CUBN: variants seen among roughly 807,000 people sequenced by gnomAD.
The protein encoded by CUBN is cubilin.
Under a neutral mutation model 405.3 loss-of-function variants are expected in CUBN, and 282 were observed. The ratio of observed to expected loss-of-function variants is 0.70; its 90% confidence interval spans 0.63 to 0.77. CUBN has a LOEUF of 0.77. Ranked by LOEUF, CUBN falls within the 30% of genes least tolerant of loss-of-function variation. The pLI, the probability that CUBN is intolerant of heterozygous loss-of-function variation, is 0.00. For missense variants in CUBN, 4,514 were observed against 4,475.2 expected, an observed-to-expected ratio of 1.01 and a Z score of -0.25; for synonymous variants, 1,684 against 1,617.0, an observed-to-expected ratio of 1.04 and a Z score of -0.99.
rs550775860 is a variant in CUBN, at chr10:16,863,823, A to G, written c.9454+5813T>C. Among the ~76,000 whole-genome samples, 5 of 151,720 alleles carry G rather than the reference A, an allele frequency of 3.3e-5. 1 individual carries two copies. The East Asian group carries it at 9.7e-4, about 29-fold the overall frequency. ...GTTTCCTTCTTTTTTATCCCCTTCA[A>G]CTTCCTTCTGCCACTCCCACTGTCT... is the stretch of plus-strand genomic sequence containing the variant. On this transcript the variant is annotated intron_variant, in intron 59 of 66. Coordinates refer to ENST00000377833, the MANE Select transcript of CUBN (RefSeq NM_001081.4).
chr10:16,949,982 T>C lies in CUBN; in HGVS notation c.5080+19A>G. On this transcript the variant is annotated intron_variant, in intron 34 of 66. Transcript: ENST00000377833. Reference sequence around the variant, plus strand: ...GCACAGCCAAGACCACAGATGTAGATGAGTGAACGCTGAGGTACCTCGGAG... The same window carrying C: ...GCACAGCCAAGACCACAGATGTAGACGAGTGAACGCTGAGGTACCTCGGAG... 1 of 1,566,646 alleles carries C rather than the reference T, an allele frequency of 6.4e-7. No individual in the cohort carries two copies. Among genetic ancestry groups the C allele is most frequent in the Non-Finnish European group, 8.8e-7 (1 of 1,137,810 alleles).
Position 16,939,166 on chromosome 10 carries a change from T to A in CUBN, c.5549-19A>T. The A allele has an allele frequency of 6.3e-7, 1 of 1,599,932 alleles. No individual in the cohort carries two copies. On this transcript the variant is annotated intron_variant, in intron 37 of 66. Coordinates refer to ENST00000377833, the MANE Select transcript of CUBN (RefSeq NM_001081.4). ...CCAAATACTAGGAGGGAAGACAGAG[T>A]AGTAAATCAGACCCACTTAGAATTG...
At chr10:17,009,340 T>G (rs962904809) in intron 28 of CUBN, among the ~76,000 whole-genome samples, 2 of 152,146 alleles carry the variant, frequency 1.3e-5, no homozygotes, top group Non-Finnish European at 2.9e-5. Context: ...AGACAGAGGG[T>G]GCCTTTGACT....
At chr10:17,067,958 T>G (rs1288137871) in intron 21 of CUBN, 106 bp downstream of exon 21, 7 of 842,220 alleles carry the variant, frequency 8.3e-6, no homozygotes, top group Non-Finnish European at 1.4e-5. Flanking sequence ...AGCATGAGGA[T>G]CTCACCTGGT....
intron 22 of CUBN, among the ~76,000 whole-genome samples, chr10:17,050,228 C>CTG (rs1482856165): frequency 2.0e-5 from 3 of 152,114 alleles, no homozygotes; most frequent in Non-Finnish European, 4.4e-5. Context: ...TGACAAGCAA[C>CTG]TGTACTAAAC....
At chr10:16,997,284 A>G (rs190769165) in intron 28 of CUBN, among the ~76,000 whole-genome samples, 8 of 152,166 alleles carry the variant, frequency 5.3e-5, no homozygotes, top group Non-Finnish European at 1.0e-4. Flanking sequence ...AAATATAAAA[A>G]ATTAGCTGGG....
chr10:16,912,066 G>A (rs1841749692), intron 48 of CUBN, among the ~76,000 whole-genome samples: 1 of 151,996 alleles, frequency 6.6e-6, no homozygotes, highest in African/African-American at 2.4e-5. Context: ...AACAACCTTA[G>A]TCCAAAATTT....
chr10:17,122,604 A>C (rs1359137904), intron 6 of CUBN, 191 bp downstream of exon 6: 6 of 638,596 alleles, frequency 9.4e-6, no homozygotes, highest in Non-Finnish European at 1.8e-5. Flanking sequence ...GGTGAGAGTA[A>C]AGGACTCATG....
chr10:17,071,655 T>G, intron 18 of CUBN, 51 bp from the exon 19 acceptor site: 1 of 1,573,566 alleles, frequency 6.4e-7, no homozygotes, highest in Non-Finnish European at 8.7e-7. Context: ...AATAATTTTA[T>G]CTCAATTTTA....
At chr10:16,932,001 T>C (rs748276038) in intron 40 of CUBN, among the ~76,000 whole-genome samples, 9 of 152,230 alleles carry the variant, frequency 5.9e-5, no homozygotes, top group Non-Finnish European at 1.2e-4. Flanking sequence ...AATTTCAGTA[T>C]GCACAGGAAG....
At chr10:16,869,992 A>C in intron 58 of CUBN, 139 bp from the exon 59 acceptor site, 2 of 721,562 alleles carry the variant, frequency 2.8e-6, no homozygotes, top group Non-Finnish European at 5.0e-6. Context: ...AATATTAGAA[A>C]TCAAACAGTA....
At chr10:16,914,039 T>G in intron 47 of CUBN, 47 bp from the exon 48 acceptor site, 1 of 1,598,188 alleles carries the variant, frequency 6.3e-7, no homozygotes, top group Non-Finnish European at 8.6e-7. Context: ...AATCAAAATG[T>G]TTCCTTCCAT....
intron 43 of CUBN, among the ~76,000 whole-genome samples, chr10:16,924,516 AT>A (rs1842125240): frequency 1.3e-5 from 2 of 152,166 alleles, no homozygotes; most frequent in African/African-American, 4.8e-5. Context: ...ACATATATAT[AT>A]ATATGAATCT....
intron 56 of CUBN, among the ~76,000 whole-genome samples, chr10:16,885,381 G>A (rs546161160): frequency 4.3e-4 from 66 of 152,158 alleles, no homozygotes; most frequent in Non-Finnish European, 8.2e-4. Flanking sequence ...ATCCATTAGC[G>A]GAAGCAGAAA....
intron 14 of CUBN, among the ~76,000 whole-genome samples, chr10:17,098,079 A>G (rs1836413699): frequency 6.6e-6 from 1 of 152,188 alleles, no homozygotes; most frequent in Non-Finnish European, 1.5e-5. Flanking sequence ...GCCAATTGCC[A>G]CGAAGAAAGT....
Position 17,114,180 on chromosome 10 carries a change from T to C in CUBN, c.730A>G (p.Ser244Gly). 3.1e-6 allele frequency: 5 copies of C among 1,613,848 alleles called. No homozygotes were observed. Among genetic ancestry groups the C allele is most frequent in the Non-Finnish European group, 4.2e-6 (5 of 1,179,936 alleles). ...ATCCACCCAGCATCACAGACGCAGCTGTACTTGGGCTGGCAGGATGACAAC... is the reference window on the plus strand; with the variant it reads ...ATCCACCCAGCATCACAGACGCAGCCGTACTTGGGCTGGCAGGATGACAAC... ...MREQAGEPKY[S>G]CVCDAGWMFS... Residue 244 changes from serine (S) to glycine (G), a missense_variant, in exon 8 of 67, where the codon AGC becomes GGC. Ser to Gly is a moderately conservative substitution (Grantham distance 56). Coordinates refer to ENST00000377833, the MANE Select transcript of CUBN (RefSeq NM_001081.4).
intron 31 of CUBN, among the ~76,000 whole-genome samples, chr10:16,965,148 A>T (rs1274676320): frequency 6.6e-6 from 1 of 150,998 alleles, no homozygotes; most frequent in Non-Finnish European, 1.5e-5. Flanking sequence ...TACTTCATCC[A>T]TGTCCCTCTC....
chr10:16,916,071 C>A (rs1218539976), intron 45 of CUBN, 41 bp from the exon 46 acceptor site: 4 of 1,585,354 alleles, frequency 2.5e-6, no homozygotes, highest in Non-Finnish European at 3.5e-6. Context: ...AGAAAGCAAG[C>A]AAGCAAGAAA....
At chr10:16,872,590 A>T (rs893240593) in intron 58 of CUBN, among the ~76,000 whole-genome samples, 1 of 152,162 alleles carries the variant, frequency 6.6e-6, no homozygotes, top group East Asian at 1.9e-4. Flanking sequence ...GCAAGAAGGT[A>T]CCTTCTATAA....
Sources: allele counts gnomAD v4.1 joint callset (sites outside exome capture counted in the v4.1 genomes callset), GRCh38; gene constraint gnomAD v4.1.1; transcripts MANE v1.5; gene names NCBI Gene and HGNC (gene_info 2026-07-23, HGNC 2026-07-21).